The following HEG1 variants were observed in gnomAD, a reference collection of about 807,000 sequenced individuals.
HEG1 encodes the protein protein HEG homolog 1.
HEG1 carries 56 observed loss-of-function variants against 125.6 expected under a neutral mutation model. The ratio of observed to expected loss-of-function variants is 0.45; its 90% CI spans 0.36 to 0.56. The LOEUF is 0.56. HEG1 is among the 20% of genes least tolerant of loss of function. The pLI is 0.00. For missense variants in HEG1, 1,523 were observed against 1,670.0 expected (o/e 0.91, Z 1.53); for synonymous variants, 644 against 668.5 (o/e 0.96, Z 0.57).
In HEG1 at chr3:124,988,494, C is replaced by T. The variant is rs146971958; in HGVS notation, c.3733+2293G>A. 1.4e-3 allele frequency among the ~76,000 whole-genome samples: 218 copies of T among 152,222 alleles called. 1 individual carries two copies. The highest frequency in any genetic ancestry group is 4.9e-3 in the African/African-American group (202 of 41,532). On this transcript the variant is annotated intron_variant, in intron 14 of 16. Transcript: ENST00000311127. The stretch of plus-strand genomic sequence containing the variant: ...TGAGTGCACCAAACACCATTTAGAG[C>T]GTGATGACTGGGGTCCATTGGAGTG...
In HEG1 at chr3:124,965,754, G is replaced by A. The variant is rs1179080004; in HGVS notation, c.*4898C>T. The stretch of plus-strand genomic sequence containing the variant: ...ATTGCATCATTTTACTGACTAGAAC[G>A]CCAGACTTAGAGTGGATATAAGTAT... On this transcript the variant is annotated 3_prime_UTR_variant, in exon 17 of 17. Transcript: ENST00000311127. 6.6e-6 allele frequency: 1 copy of A among 152,122 alleles called. No individual in the cohort carries two copies. The highest frequency in any genetic ancestry group is 1.5e-5 in the Non-Finnish European group (1 of 68,024). The allele number at this position is 152,122 out of a possible 1,614,324, so 9.4% of individuals were successfully genotyped here. A position where few individuals can be genotyped will look rare whatever the true frequency, so the allele number is the denominator to read the frequency against.
At chr3:124,996,326 T>C (rs60659816) in intron 12 of HEG1, among the ~76,000 whole-genome samples, 46,640 of 151,984 alleles carry the variant, frequency 0.31, 8,099 homozygotes, top group African/African-American at 0.48. Context: ...TCAGGTGATC[T>C]GCCCGCCTCG....
At position 125,013,931 on chromosome 3, in the gene HEG1, C is replaced by G. The variant is rs573602551; in HGVS notation, c.1648G>C (p.Asp550His). 4.3e-6 allele frequency: 7 copies of G among 1,612,944 alleles called. No individual in the cohort carries two copies. Among genetic ancestry groups the G allele is most frequent in the Non-Finnish European group, 5.9e-6 (7 of 1,179,590 alleles). Residue 550 changes from aspartate to histidine, a missense_variant, in exon 6 of 17, where the codon GAC becomes CAC. Asp to His is a moderately conservative substitution (Grantham distance 81). Coordinates refer to ENST00000311127, the MANE Select transcript of HEG1 (RefSeq NM_020733.2). ...GACAGGTAGGTGTGGTCTGTGTGGT[C>G]GCTGGAAGTCCTTTGTTCAATAGCT... ...GTAIEQRTSSDHTDHTYLSST... is the reference protein window; with the variant it reads ...GTAIEQRTSSHHTDHTYLSST...
At chr3:125,014,670 A>T in intron 5 of HEG1, 3 of 1,202,626 alleles carry the variant, frequency 2.5e-6, no homozygotes, top group South Asian at 1.5e-5. Flanking sequence ...TTAATAGATG[A>T]GCTGAAGGGA....
intron 12 of HEG1, among the ~76,000 whole-genome samples, chr3:124,994,426 C>T (rs930672816): frequency 6.6e-6 from 1 of 152,178 alleles, no homozygotes; most frequent in Admixed American, 6.5e-5. Context: ...TATTCCCAAA[C>T]TGGGCTTCCC....
chr3:124,990,332 GT>G (rs1936811522), intron 14 of HEG1, among the ~76,000 whole-genome samples: 1 of 138,756 alleles, frequency 7.2e-6, no homozygotes, highest in South Asian at 2.5e-4. Context: ...TTTTGTTGTT[GT>G]TTTTTGGGTT....
chr3:124,991,106 T>C, intron 12 of HEG1, 120 bp from the exon 13 acceptor site: 1 of 708,614 alleles, frequency 1.4e-6, no homozygotes, highest in Non-Finnish European at 2.4e-6. Flanking sequence ...GGCTGCAAAC[T>C]GCTTTGGAAT....
At position 125,027,320 on chromosome 3, in the gene HEG1, C is replaced by T. The variant is rs376523556; in HGVS notation, c.798G>A (p.Leu266=). 2.6e-4 allele frequency: 421 copies of T among 1,613,806 alleles called. 3 individuals are homozygous for T. The highest frequency in any genetic ancestry group is 1.1e-3 in the South Asian group (104 of 91,066). The part of the protein sequence containing the change: ...SAWSPSFLPA[L]EMGELTTPSR... ...AAGGCGTGGTCAGCTCTCCCATCTC[C>T]AAAGCAGGAAGAAAGGACGGGCTCC... The change falls in exon 3 of 17, where the codon TTG becomes TTA. Residue 266 remains leucine, a synonymous_variant. Transcript: ENST00000311127.
chr3:125,000,463 G>A (rs913473397), intron 11 of HEG1, among the ~76,000 whole-genome samples: 4 of 152,168 alleles, frequency 2.6e-5, no homozygotes, highest in Non-Finnish European at 5.9e-5. Flanking sequence ...GGACAACTTG[G>A]TACCCTTGAA....
intron 1 of HEG1, among the ~76,000 whole-genome samples, chr3:125,047,267 C>G (rs1299684662): frequency 1.3e-5 from 2 of 152,240 alleles, no homozygotes; most frequent in Non-Finnish European, 2.9e-5. Context: ...ACACAATGAC[C>G]AGTGTAAATG....
Position 125,013,563 on chromosome 3 carries a change from T to C in HEG1, c.2016A>G (p.Ser672=). 1 of 1,465,484 alleles carries C rather than the reference T, an allele frequency of 6.8e-7. No individual in the cohort carries two copies. Among genetic ancestry groups the C allele is most frequent in the Non-Finnish European group, 9.1e-7 (1 of 1,095,962 alleles). 90.8% of individuals were successfully genotyped at this position (1,465,484 alleles called of 1,614,324 possible). A position where few individuals can be genotyped will look rare whatever the true frequency, so the allele number is the denominator to read the frequency against. Residue 672 remains serine, a synonymous_variant, in exon 6 of 17, where the codon TCA becomes TCG. Transcript: ENST00000311127. The stretch of plus-strand genomic sequence containing the variant: ...CAGAGGGCAGAGGCAAAGGAGGCCC[T>C]GAAGAAGAAGAAGAGGAGGAGGAGG... ...SSSSSSSSSS[S]GPPLPLPSVS...
chr3:125,025,725 C>T (rs753103526), intron 3 of HEG1, among the ~76,000 whole-genome samples: 13 of 152,184 alleles, frequency 8.5e-5, no homozygotes, highest in Non-Finnish European at 1.3e-4. Context: ...AAAAATACTT[C>T]CTTTCTACCG....
chr3:124,998,551 T>C (rs1407501932), intron 11 of HEG1, among the ~76,000 whole-genome samples: 1 of 152,202 alleles, frequency 6.6e-6, no homozygotes, highest in Non-Finnish European at 1.5e-5. Context: ...TGGCCGCCTG[T>C]CACTGACCAG....
chr3:125,000,593 T>C (rs1464345537), intron 11 of HEG1, among the ~76,000 whole-genome samples: 1 of 151,448 alleles, frequency 6.6e-6, no homozygotes, highest in Admixed American at 6.6e-5. Context: ...CTTCAGAAAG[T>C]TTAGCTTTTT....
At chr3:125,014,369 T>C (rs978410921) in intron 5 of HEG1, among the ~76,000 whole-genome samples, 20 of 152,224 alleles carry the variant, frequency 1.3e-4, no homozygotes, top group African/African-American at 4.3e-4. Context: ...ATAACTGTTA[T>C]GCCTAAATGA....
rs897638487 is a variant in HEG1, at chr3:125,012,987, T to A, written c.2592A>T (p.Ala864=). The A allele has an allele frequency of 6.2e-7, 1 of 1,613,952 alleles. No homozygotes were observed. The highest frequency in any genetic ancestry group is 8.5e-7 in the Non-Finnish European group (1 of 1,179,918). Residue 864 remains alanine (A), a synonymous_variant, in exon 6 of 17, where the codon GCA becomes GCT. Transcript: ENST00000311127. ...MTTPGTLSST[A]SLVTGPIAVQ... is the part of the protein sequence containing the mutation. ...CGGCTATAGGGCCAGTGACCAGAGA[T>A]GCTGTGCTTGACAGGGTGCCAGGAG...
At chr3:125,053,238 C>T (rs2001425) in intron 1 of HEG1, among the ~76,000 whole-genome samples, 57,547 of 152,022 alleles carry the variant, frequency 0.38, 11,147 homozygotes, top group East Asian at 0.56. Flanking sequence ...TGAGACCTTG[C>T]TGCCTTGTGA....
chr3:124,988,222 T>C, intron 14 of HEG1, among the ~76,000 whole-genome samples: 1 of 151,790 alleles, frequency 6.6e-6, no homozygotes. Context: ...GCAGCCCCTT[T>C]AAGGCATAGA....
intron 1 of HEG1, among the ~76,000 whole-genome samples, chr3:125,036,393 G>C (rs1937548169): frequency 6.6e-6 from 1 of 151,960 alleles, no homozygotes; most frequent in Non-Finnish European, 1.5e-5. Context: ...AAGATAATCA[G>C]TTAAAAAAGG....
Sources: allele counts gnomAD v4.1 joint callset (sites outside exome capture counted in the v4.1 genomes callset), GRCh38; gene constraint gnomAD v4.1.1; transcripts MANE v1.5; gene names NCBI Gene and HGNC (gene_info 2026-07-23, HGNC 2026-07-21).